Variants in TSPAN11 observed in about 807,000 individuals in gnomAD.
TSPAN11 encodes tetraspanin 11.
TSPAN11 carries 29 observed loss-of-function variants against 32.9 expected under a neutral mutation model. The ratio of observed to expected loss-of-function variants is 0.88; its 90% CI spans 0.66 to 1.20. The LOEUF is 1.20. Among genes scored for constraint, TSPAN11 ranks in the 50% most tolerant of loss-of-function variants. The pLI, the probability that TSPAN11 is intolerant of heterozygous loss-of-function variation, is 0.00. For synonymous variants in TSPAN11, 140 were observed against 141.3 expected, an observed-to-expected ratio of 0.99 and a Z score of 0.07; for missense variants, 283 against 329.1, an observed-to-expected ratio of 0.86 and a Z score of 1.08.
At chr12:30,981,466 T>A (rs1019332403) in intron 5 of TSPAN11, among the ~76,000 whole-genome samples, 1 of 152,206 alleles carries the variant, frequency 6.6e-6, no homozygotes, top group Non-Finnish European at 1.5e-5. Context: ...ATTTTACAAA[T>A]GACACAGCCA....
rs757522826 is a variant in TSPAN11, at chr12:30,964,019, T to C, written c.276+2T>C. 6.2e-7 allele frequency: 1 copy of C among 1,612,544 alleles called. No homozygotes were observed. Among genetic ancestry groups the C allele is most frequent in the South Asian group, 1.1e-5 (1 of 90,964 alleles). On this transcript the variant is annotated splice_donor_variant, in intron 3 of 7. Transcript: ENST00000546076. LOFTEE classifies it high-confidence loss of function. ...GAGCGGAAGGGCTGCCTCTCCACGG[T>C]CAGTGCCCGCCCTGTGCTCTGCAGG...
rs1938941565 is a variant in TSPAN11 at position 30,975,190 on chromosome 12, G to A, written c.277-3371G>A. ...CGCCGGACCCAGGGAGTCAGGAAAGGCTGGGTAAGGTGCAGGGTGGAGGGG... is the reference window on the plus strand; with the variant it reads ...CGCCGGACCCAGGGAGTCAGGAAAGACTGGGTAAGGTGCAGGGTGGAGGGG... On this transcript the variant is annotated intron_variant, in intron 3 of 7. Coordinates refer to ENST00000546076, the MANE Select transcript of TSPAN11 (RefSeq NM_001370302.1). This position sits in a 1 kb window ranked among gnomAD's most constrained non-coding sequence, Gnocchi z 4.5. Among the ~76,000 whole-genome samples the A allele has an allele frequency of 6.6e-6, 1 of 152,228 alleles. No homozygotes were observed. The highest frequency in any genetic ancestry group is 2.4e-5 in the African/African-American group (1 of 41,468).
At chr12:30,985,153 G>A (rs1346974922) in intron 7 of TSPAN11, among the ~76,000 whole-genome samples, 2 of 152,046 alleles carry the variant, frequency 1.3e-5, no homozygotes, top group African/African-American at 4.8e-5. Context: ...GTCGCCTCTG[G>A]AGGGACCCCC....
At chr12:30,982,483 C>T in intron 5 of TSPAN11, 49 bp from the exon 6 acceptor site, 1 of 1,575,086 alleles carries the variant, frequency 6.3e-7, no homozygotes, top group Non-Finnish European at 8.7e-7. Context: ...AGCCTGGGAC[C>T]CTACGCAGGC....
Position 30,992,163 on chromosome 12 carries a change from T to C in TSPAN11, c.*248T>C. The stretch of plus-strand genomic sequence containing the variant: ...GATCCTGGGCAGGGAAATGATCCTT[T>C]CAGGAGACAACCAGAGCCCCTCACC... On this transcript the variant is annotated 3_prime_UTR_variant, in exon 8 of 8. Coordinates refer to ENST00000546076, the MANE Select transcript of TSPAN11 (RefSeq NM_001370302.1). 1.8e-6 allele frequency: 1 copy of C among 570,750 alleles called. No individual in the cohort carries two copies. 35.4% of individuals were successfully genotyped at this position (570,750 alleles called of 1,614,324 possible). A position where few individuals can be genotyped will look rare whatever the true frequency, so the allele number is the denominator to read the frequency against.
At chr12:30,950,245 A>C (rs1489925944) in intron 1 of TSPAN11, among the ~76,000 whole-genome samples, 1 of 151,690 alleles carries the variant, frequency 6.6e-6, no homozygotes, top group African/African-American at 2.4e-5. Context: ...CACTCCCTCC[A>C]CTCATACTCT....
At chr12:30,945,087 C>A (rs7972552) in intron 1 of TSPAN11, among the ~76,000 whole-genome samples, 15,296 of 152,094 alleles carry the variant, frequency 0.1, 2,126 homozygotes, top group African/African-American at 0.31. Flanking sequence ...CTCACACTGC[C>A]CCATCTGACT....
chr12:30,964,320 C>T (rs900313247), intron 3 of TSPAN11, among the ~76,000 whole-genome samples: 1 of 151,406 alleles, frequency 6.6e-6, no homozygotes, highest in African/African-American at 2.4e-5. Flanking sequence ...CCTATTCTTC[C>T]TGGTCCTCTC....
At chr12:30,954,515 C>G (rs1211856862) in intron 2 of TSPAN11, 1 of 185,148 alleles carries the variant, frequency 5.4e-6, no homozygotes, top group African/African-American at 2.4e-5. Flanking sequence ...CTGGAGGCTC[C>G]AACTACTGCT....
At position 30,994,140 on chromosome 12, in the gene TSPAN11, C is replaced by G. The variant is rs1047363841; in HGVS notation, c.*2225C>G. The G allele has an allele frequency of 7.9e-5, 12 of 152,304 alleles. No homozygotes were observed. The highest frequency in any genetic ancestry group is 2.9e-4 in the African/African-American group (12 of 41,450). 9.4% of individuals were successfully genotyped at this position (152,304 alleles called of 1,614,324 possible). A position where few individuals can be genotyped will look rare whatever the true frequency, so the allele number is the denominator to read the frequency against. ...TGACCTCCTTGTCCATGCCAACAGC[C>G]TGGGAGATGAGACAGGGTTAGAGGA... On this transcript the variant is annotated 3_prime_UTR_variant, in exon 8 of 8. Coordinates refer to ENST00000546076, the MANE Select transcript of TSPAN11 (RefSeq NM_001370302.1).
chr12:30,939,145 G>A (rs1938105932), intron 1 of TSPAN11, among the ~76,000 whole-genome samples: 1 of 151,648 alleles, frequency 6.6e-6, no homozygotes, highest in South Asian at 2.1e-4. Flanking sequence ...TGAGGCTGAG[G>A]CAGAAGAATT....
At chr12:30,965,670 C>T (rs1408746817) in intron 3 of TSPAN11, among the ~76,000 whole-genome samples, 2 of 152,208 alleles carry the variant, frequency 1.3e-5, no homozygotes, top group African/African-American at 2.4e-5. Context: ...GCCGAGCAAG[C>T]GCTGCACTTG....
the TSPAN11 span, among the ~76,000 whole-genome samples, chr12:31,008,706 C>G: frequency 2.0e-5 from 3 of 152,234 alleles, no homozygotes; most frequent in Non-Finnish European, 4.4e-5. Flanking sequence ...TTTCTTTTGG[C>G]AGGGAGCTGC....
intron 3 of TSPAN11, among the ~76,000 whole-genome samples, chr12:30,972,338 G>A (rs1005028746): frequency 1.3e-5 from 2 of 152,138 alleles, no homozygotes; most frequent in Admixed American, 6.5e-5. Flanking sequence ...CCCAGGGAGC[G>A]AGACAAGCAG....
intron 1 of TSPAN11, among the ~76,000 whole-genome samples, chr12:30,950,845 C>T (rs1938367148): frequency 6.6e-6 from 1 of 152,180 alleles, no homozygotes; most frequent in Non-Finnish European, 1.5e-5. Context: ...CCTACACACA[C>T]ACATTGAGGA....
At position 30,974,132 on chromosome 12, in the gene TSPAN11, A is replaced by T. The variant is rs907418819; in HGVS notation, c.277-4429A>T. Among the ~76,000 whole-genome samples, 12 of 152,208 alleles carry T rather than the reference A, an allele frequency of 7.9e-5. 1 individual carries two copies. The highest frequency in any genetic ancestry group is 1.5e-5 in the Non-Finnish European group (1 of 68,040). On this transcript the variant is annotated intron_variant, in intron 3 of 7. Coordinates refer to ENST00000546076, the MANE Select transcript of TSPAN11 (RefSeq NM_001370302.1). ...CTCCCAGGCAGGTACAGTGCTGCAC[A>T]TGCTTCTGTCCATGTTCTGTTTCCA...
intron 2 of TSPAN11, among the ~76,000 whole-genome samples, chr12:30,958,815 T>A (rs920229273): frequency 6.6e-5 from 10 of 152,230 alleles, no homozygotes; most frequent in Admixed American, 2.0e-4. Context: ...ATGGGTCCCT[T>A]GATGGCCCAA....
Position 30,963,954 on chromosome 12 carries a change from C to T in TSPAN11, c.213C>T (p.Val71=). 1.2e-6 allele frequency: 2 copies of T among 1,614,122 alleles called. 1 individual carries two copies. The highest frequency in any genetic ancestry group is 2.2e-5 in the South Asian group (2 of 91,084). The change falls in exon 3 of 8, where the codon GTC becomes GTT. Residue 71 remains valine, a synonymous_variant. Transcript: ENST00000546076. The stretch of plus-strand genomic sequence containing the variant: ...TCCTCATCTTTGCGGGCGTACTTGT[C>T]ATGGTGACCGGCTTCCTGGGCTTCG... ...AYILIFAGVL[V]MVTGFLGFGA...
chr12:30,934,207 A>T (rs1040742199), intron 1 of TSPAN11, among the ~76,000 whole-genome samples: 3 of 152,224 alleles, frequency 2.0e-5, no homozygotes, highest in African/African-American at 7.2e-5. Context: ...GACCCACTTC[A>T]GATGTTTCTG....
Sources: allele counts gnomAD v4.1 joint callset (sites outside exome capture counted in the v4.1 genomes callset), GRCh38; gene constraint gnomAD v4.1.1; non-coding constraint Gnocchi (gnomAD v3.1); transcripts MANE v1.5; gene names NCBI Gene and HGNC (gene_info 2026-07-23, HGNC 2026-07-21).